Variants in NLRP5 observed in about 807,000 individuals in gnomAD.
NLRP5 encodes the protein NACHT, LRR and PYD domains-containing protein 5.
NLRP5 carries 93 observed loss-of-function variants against 113.1 expected under a neutral mutation model. The ratio of observed to expected loss-of-function variants is 0.82; its 90% confidence interval spans 0.70 to 0.98. The LOEUF (loss-of-function observed/expected upper bound fraction) is 0.98, where lower values mean the gene tolerates loss of function less well. NLRP5 is among the 50% of genes least tolerant of loss of function. The pLI, the probability that NLRP5 is intolerant of heterozygous loss-of-function variation, is 0.00. For missense variants in NLRP5, 1,808 were observed against 1,514.3 expected, an observed-to-expected ratio of 1.19 and a Z score of -3.22; for synonymous variants, 751 against 600.7, an observed-to-expected ratio of 1.25 and a Z score of -3.66.
At chr19:56,024,421 T>TG (rs141358200) in intron 6 of NLRP5, among the ~76,000 whole-genome samples, 52,269 of 141,536 alleles carry the variant, frequency 0.37, 10,143 homozygotes, top group African/African-American at 0.44. Flanking sequence ...TGTATATATG[T>TG]TATATATACA....
chr19:56,050,790 G>A (rs970647102), intron 12 of NLRP5, among the ~76,000 whole-genome samples: 1 of 152,196 alleles, frequency 6.6e-6, no homozygotes, highest in Non-Finnish European at 1.5e-5. Flanking sequence ...CCTCATGGGA[G>A]GAACCATGAG....
chr19:55,998,680 A>ATATATATATATATATATATATGTGTG (rs1568478150), upstream of NLRP5, among the ~76,000 whole-genome samples: 6 of 73,084 alleles, frequency 8.2e-5, no homozygotes, highest in African/African-American at 3.8e-4. Context: ...GTGTATATAT[A>ATATATATATATATATATATATGTGTG]TATATATATA....
chr19:56,052,936 T>C (rs999731963), intron 12 of NLRP5, among the ~76,000 whole-genome samples: 1 of 152,220 alleles, frequency 6.6e-6, no homozygotes, highest in African/African-American at 2.4e-5. Flanking sequence ...CTCATTTCTT[T>C]TAAAGATACC....
chr19:56,055,093 G>C (rs952679477), intron 13 of NLRP5, among the ~76,000 whole-genome samples: 2 of 145,158 alleles, frequency 1.4e-5, no homozygotes, highest in African/African-American at 5.1e-5. Flanking sequence ...TCCGCCTTCC[G>C]AGTTCAAGCC....
At chr19:56,034,875 G>A (rs145761259) in intron 9 of NLRP5, among the ~76,000 whole-genome samples, 2 of 152,178 alleles carry the variant, frequency 1.3e-5, no homozygotes, top group Non-Finnish European at 2.9e-5. Context: ...TGGTTTGTAA[G>A]TCCTGGGAAG....
chr19:56,031,259 A>G (rs1983101300), intron 7 of NLRP5, among the ~76,000 whole-genome samples: 1 of 152,098 alleles, frequency 6.6e-6, no homozygotes, highest in Non-Finnish European at 1.5e-5. Context: ...CCATGAAACG[A>G]TAACTCCATC....
intron 13 of NLRP5, among the ~76,000 whole-genome samples, chr19:56,055,824 C>T (rs1318544812): frequency 6.6e-5 from 10 of 152,204 alleles, no homozygotes; most frequent in Middle Eastern, 3.4e-3. Flanking sequence ...GGATTACAGG[C>T]ATAAGCCACC....
chr19:56,004,576 G>A (rs1311611813), intron 2 of NLRP5, among the ~76,000 whole-genome samples: 2 of 152,178 alleles, frequency 1.3e-5, no homozygotes, highest in African/African-American at 2.4e-5. Context: ...GTGCTTGGCC[G>A]TGGGATGAAG....
intron 2 of NLRP5, among the ~76,000 whole-genome samples, chr19:56,005,309 TTATA>T (rs1017259944): frequency 3.7e-4 from 53 of 143,716 alleles, no homozygotes; most frequent in African/African-American, 1.0e-3. Context: ...ACATATATAT[TTATA>T]TATACACACA....
In NLRP5 at chr19:56,030,097, C is replaced by T. The variant is rs141015443; in HGVS notation, c.2276+1588C>T. Among the ~76,000 whole-genome samples, 836 of 150,518 alleles carry T rather than the reference C, an allele frequency of 5.6e-3. 2 individuals are homozygous for T. The highest frequency in any genetic ancestry group is 0.019 in the African/African-American group (772 of 40,950). On this transcript the variant is annotated intron_variant, in intron 7 of 14. Coordinates refer to ENST00000390649, the MANE Select transcript of NLRP5 (RefSeq NM_153447.4). ...TCAAATTATCACATGGGGCTGGGCG[C>T]GGTGGCTCATGCCTGTAATCCTAGC...
At chr19:55,994,046 A>C in the NLRP5 span, among the ~76,000 whole-genome samples, 1 of 152,028 alleles carries the variant, frequency 6.6e-6, no homozygotes, top group Admixed American at 6.6e-5. Context: ...ACACTGCTAC[A>C]CTGTTTTCCA....
chr19:55,997,983 G>T (rs1266307545), upstream of NLRP5, among the ~76,000 whole-genome samples: 1 of 152,164 alleles, frequency 6.6e-6, no homozygotes, highest in African/African-American at 2.4e-5. Context: ...AAGGTAGGGA[G>T]CAGGAAGTAC....
intron 7 of NLRP5, among the ~76,000 whole-genome samples, chr19:56,030,529 C>G (rs750850450): frequency 9.2e-5 from 14 of 151,984 alleles, no homozygotes; most frequent in Non-Finnish European, 7.4e-5. Context: ...ACAGCTTGCC[C>G]GTTACTTTGT....
In NLRP5 at chr19:56,027,284, A is replaced by G. The variant is rs377592501; in HGVS notation, c.1051A>G (p.Met351Val). ...CTCCCAGGCTCCGGTGACGGAGATC[A>G]TGTCCCGACCAGAAAGGCTGTTGTT... Residue 351 changes from methionine to valine, a missense_variant, in exon 7 of 15, where the codon ATG becomes GTG. Transcript: ENST00000390649. 56 of 1,611,970 alleles carry G rather than the reference A, an allele frequency of 3.5e-5. No individual in the cohort carries two copies. The highest frequency in any genetic ancestry group is 3.9e-5 in the Non-Finnish European group (46 of 1,179,880).
intron 11 of NLRP5, among the ~76,000 whole-genome samples, chr19:56,049,873 A>G (rs1022131340): frequency 6.6e-6 from 1 of 152,028 alleles, no homozygotes; most frequent in Non-Finnish European, 1.5e-5. Flanking sequence ...GTTTGAATCC[A>G]TTGCTGGTGA....
chr19:56,040,013 C>T (rs1299517361), intron 10 of NLRP5, among the ~76,000 whole-genome samples: 2 of 152,114 alleles, frequency 1.3e-5, no homozygotes, highest in African/African-American at 2.4e-5. Flanking sequence ...TACAGTGGCA[C>T]AATCACAGCT....
At position 56,043,858 on chromosome 19, in the gene NLRP5, T is replaced by A. The variant is rs1294607983; in HGVS notation, c.2957+2766T>A. 4.2e-5 allele frequency among the ~76,000 whole-genome samples: 6 copies of A among 141,624 alleles called. 1 individual carries two copies. The highest frequency in any genetic ancestry group is 4.1e-4 in the Admixed American group (6 of 14,608). 92.9% of individuals were successfully genotyped at this position (141,624 alleles called of 152,430 possible). A position where few individuals can be genotyped will look rare whatever the true frequency, so the allele number is the denominator to read the frequency against. ...TCCCAAAGTGCTGGGATTACAGGCG[T>A]GAGCCACCACGCCTGGCCTCTGCTG... On this transcript the variant is annotated intron_variant, in intron 11 of 14. Coordinates refer to ENST00000390649, the MANE Select transcript of NLRP5 (RefSeq NM_153447.4).
chr19:56,057,402 C>T, intron 13 of NLRP5, among the ~76,000 whole-genome samples: 2 of 152,240 alleles, frequency 1.3e-5, no homozygotes, highest in East Asian at 3.9e-4. Flanking sequence ...TTAGTATGAC[C>T]TAGGTGCCCA....
the NLRP5 span, among the ~76,000 whole-genome samples, chr19:55,992,792 G>A: frequency 6.6e-6 from 1 of 152,048 alleles, no homozygotes; most frequent in East Asian, 1.9e-4. Flanking sequence ...GTCAAAAATA[G>A]ATACATTTGC....
Sources: gnomAD v4.1 joint callset for allele counts (sites outside exome capture counted in the v4.1 genomes callset) on GRCh38, gnomAD v4.1.1 for gene constraint, MANE v1.5 for transcripts, NCBI Gene and HGNC (gene_info 2026-07-23, HGNC 2026-07-21) for gene names.